The following SGCZ variants were observed in gnomAD, a reference collection of about 807,000 sequenced individuals.
SGCZ encodes zeta-sarcoglycan.
A neutral mutation model predicts 41.3 loss-of-function variants in SGCZ; 40 were observed. The ratio of observed to expected loss-of-function variants is 0.97; its 90% confidence interval spans 0.75 to 1.26. The LOEUF (loss-of-function observed/expected upper bound fraction) is 1.26, where lower values mean the gene tolerates loss of function less well. Among genes scored for constraint, SGCZ ranks in the 50% most tolerant of loss-of-function variants. The pLI, the probability that SGCZ is intolerant of heterozygous loss-of-function variation, is 0.00. For synonymous variants in SGCZ, 206 were observed against 137.5 expected (o/e 1.50, Z -3.49); for missense variants, 552 against 369.8 (o/e 1.49, Z -4.04).
intron 3 of SGCZ, among the ~76,000 whole-genome samples, chr8:14,247,521 T>G (rs1028033824): frequency 6.6e-6 from 1 of 152,158 alleles, no homozygotes; most frequent in East Asian, 1.9e-4. Context: ...GCTTCTAGAC[T>G]CATTATCCTA....
intron 3 of SGCZ, among the ~76,000 whole-genome samples, chr8:14,319,117 A>T (rs1429381242): frequency 1.3e-5 from 2 of 152,056 alleles, no homozygotes; most frequent in Non-Finnish European, 2.9e-5. Flanking sequence ...ACCTAACATA[A>T]GAATTATTGC....
At chr8:14,147,852 C>A (rs1585178512) in intron 5 of SGCZ, among the ~76,000 whole-genome samples, 1 of 152,016 alleles carries the variant, frequency 6.6e-6, no homozygotes, top group African/African-American at 2.4e-5. Flanking sequence ...GAAATAATGT[C>A]AAGCATATTC....
intron 2 of SGCZ, among the ~76,000 whole-genome samples, chr8:14,398,982 A>G (rs1798996511): frequency 6.6e-6 from 1 of 152,112 alleles, no homozygotes; most frequent in African/African-American, 2.4e-5. Flanking sequence ...TGTTCCTTGA[A>G]ATAACCTTAC....
At chr8:14,577,819 G>A (rs1359783584) in intron 1 of SGCZ, among the ~76,000 whole-genome samples, 1 of 152,058 alleles carries the variant, frequency 6.6e-6, no homozygotes, top group Non-Finnish European at 1.5e-5. Flanking sequence ...AATCAATCAG[G>A]CCATGTCTTA....
At chr8:14,194,639 C>T (rs1805208452) in intron 4 of SGCZ, among the ~76,000 whole-genome samples, 1 of 151,826 alleles carries the variant, frequency 6.6e-6, no homozygotes, top group African/African-American at 2.4e-5. Flanking sequence ...GTTATGGGAT[C>T]CAAGTTACTT....
chr8:14,860,448 G>A (rs1190514386), intron 1 of SGCZ, among the ~76,000 whole-genome samples: 1 of 149,126 alleles, frequency 6.7e-6, no homozygotes, highest in Admixed American at 6.7e-5. Flanking sequence ...GGAAAGAGAA[G>A]AGAGAAGGAA....
Position 14,089,899 on chromosome 8 carries a change from G to A in SGCZ, c.*544C>T, listed in dbSNP as rs1801633275. The A allele has an allele frequency of 6.6e-6, 1 of 152,422 alleles. No individual in the cohort carries two copies. Among genetic ancestry groups the A allele is most frequent in the African/African-American group, 2.4e-5 (1 of 41,410 alleles). 9.4% of individuals were successfully genotyped at this position (152,422 alleles called of 1,614,324 possible). A position where few individuals can be genotyped will look rare whatever the true frequency, so the allele number is the denominator to read the frequency against. On this transcript the variant is annotated 3_prime_UTR_variant, in exon 8 of 8. Coordinates refer to ENST00000382080, the MANE Select transcript of SGCZ (RefSeq NM_139167.4). ...ATTCTGTATTGTTTTGTTTTGTTCT[G>A]TTTTGTTAAAAACCATGTATTGAAT...
At chr8:15,076,002 A>G (rs1199278655) in intron 1 of SGCZ, among the ~76,000 whole-genome samples, 2 of 152,182 alleles carry the variant, frequency 1.3e-5, no homozygotes, top group Non-Finnish European at 2.9e-5. Flanking sequence ...ATACAGAGAT[A>G]AAATGTCGAG....
chr8:14,739,270 G>T (rs144279965), intron 1 of SGCZ, among the ~76,000 whole-genome samples: 1 of 151,434 alleles, frequency 6.6e-6, no homozygotes, highest in Non-Finnish European at 1.5e-5. Flanking sequence ...AATTAAAAGG[G>T]GAAAAATCAA....
intron 6 of SGCZ, among the ~76,000 whole-genome samples, chr8:14,107,249 A>T (rs909853594): frequency 3.6e-4 from 54 of 152,076 alleles, no homozygotes; most frequent in African/African-American, 1.2e-3. Flanking sequence ...TAAAAAAAAA[A>T]AACATCCACT....
intron 1 of SGCZ, among the ~76,000 whole-genome samples, chr8:14,561,067 G>A (rs890789207): frequency 5.9e-5 from 9 of 151,976 alleles, no homozygotes; most frequent in African/African-American, 2.2e-4. Flanking sequence ...AAATCTGAGT[G>A]TTTTTCAAGA....
At chr8:15,231,652 C>T (rs933477671) in intron 1 of SGCZ, among the ~76,000 whole-genome samples, 1 of 112,098 alleles carries the variant, frequency 8.9e-6, no homozygotes, top group Non-Finnish European at 1.7e-5. Flanking sequence ...GACAGGTTCT[C>T]ACTCTGTCAC....
At chr8:14,985,009 G>A (rs1333175208) in intron 1 of SGCZ, among the ~76,000 whole-genome samples, 3 of 151,918 alleles carry the variant, frequency 2.0e-5, no homozygotes, top group African/African-American at 7.3e-5. Context: ...AAAATATCAC[G>A]ATGCTTTATT....
At position 14,202,162 on chromosome 8, in the gene SGCZ, T is replaced by C. The variant is rs1000655864; in HGVS notation, c.424+35430A>G. Reference sequence around the variant, plus strand: ...GTCCTTAGGATTTGAAGAGGGAGGCTAAAGAAGAGTCAGTGTTAGAGTGAT... The same window carrying C: ...GTCCTTAGGATTTGAAGAGGGAGGCCAAAGAAGAGTCAGTGTTAGAGTGAT... On this transcript the variant is annotated intron_variant, in intron 4 of 7. Coordinates refer to ENST00000382080, the MANE Select transcript of SGCZ (RefSeq NM_139167.4). 2.6e-5 allele frequency among the ~76,000 whole-genome samples: 4 copies of C among 152,104 alleles called. No individual in the cohort carries two copies. In the South Asian group the frequency reaches 8.3e-4, roughly 32 times the overall value.
At chr8:14,237,223 T>C (rs1230437074) in intron 4 of SGCZ, among the ~76,000 whole-genome samples, 1 of 152,056 alleles carries the variant, frequency 6.6e-6, no homozygotes, top group Non-Finnish European at 1.5e-5. Flanking sequence ...TGTAATTCAA[T>C]CTCAAAATAA....
chr8:14,153,898 GTCTGTC>G (rs1402132336), intron 5 of SGCZ, among the ~76,000 whole-genome samples: 9 of 139,122 alleles, frequency 6.5e-5, no homozygotes, highest in Admixed American at 1.4e-4. Flanking sequence ...CGGTCAGTCT[GTCTGTC>G]TCTCTCTCTC....
At chr8:14,287,918 G>A (rs999105830) in intron 3 of SGCZ, among the ~76,000 whole-genome samples, 1 of 152,064 alleles carries the variant, frequency 6.6e-6, no homozygotes, top group Admixed American at 6.6e-5. Context: ...ATGTATTTTA[G>A]AGGGACTATA....
At chr8:14,817,764 CA>C (rs1157779243) in intron 1 of SGCZ, among the ~76,000 whole-genome samples, 1 of 152,162 alleles carries the variant, frequency 6.6e-6, no homozygotes, top group Non-Finnish European at 1.5e-5. Flanking sequence ...CATGTGCGCT[CA>C]TTGTTGTGCA....
intron 5 of SGCZ, among the ~76,000 whole-genome samples, chr8:14,108,624 C>T (rs1006492671): frequency 1.3e-5 from 2 of 152,006 alleles, no homozygotes; most frequent in African/African-American, 4.8e-5. Flanking sequence ...AATTATCTCC[C>T]ACCAGGTCCC....
Sources: gnomAD v4.1 joint callset for allele counts (sites outside exome capture counted in the v4.1 genomes callset) on GRCh38, gnomAD v4.1.1 for gene constraint, MANE v1.5 for transcripts, NCBI Gene and HGNC (gene_info 2026-07-23, HGNC 2026-07-21) for gene names.